Variants in PCDH7 observed in about 807,000 individuals in gnomAD.
PCDH7 encodes the protein protocadherin 7, also known as protocadherin-7.
Under a neutral mutation model 58.9 loss-of-function variants are expected in PCDH7, and 17 were observed. The observed-to-expected ratio is 0.29, with a 90% confidence interval of 0.20 to 0.43. The LOEUF is 0.43. Ranked by LOEUF, PCDH7 falls within the 20% of genes least tolerant of loss-of-function variation. PCDH7 has a pLI of 1.00. For missense variants in PCDH7, 1,274 were observed against 1,441.0 expected (o/e 0.88, Z 1.88); for synonymous variants, 664 against 616.4 (o/e 1.08, Z -1.14).
At position 30,936,235 on chromosome 4, in the gene PCDH7, G is replaced by A. The variant is rs564789941; in HGVS notation, c.288-13885G>A. On this transcript the variant is annotated intron_variant, in intron 2 of 3. Coordinates refer to the PCDH7 transcript ENST00000509759. ...CATTTGCTTTACAGTATCACTCAAAGCAAGGTAATATCGACATTTTACAGA... is the reference window on the plus strand; with the variant it reads ...CATTTGCTTTACAGTATCACTCAAAACAAGGTAATATCGACATTTTACAGA... Among the ~76,000 whole-genome samples, 3 of 152,110 alleles carry A rather than the reference G, an allele frequency of 2.0e-5. No individual in the cohort carries two copies. The East Asian group carries it at 5.8e-4, about 29-fold the overall frequency.
chr4:30,877,660 C>CT (rs1474756927), intron 1 of PCDH7, among the ~76,000 whole-genome samples: 5 of 152,226 alleles, frequency 3.3e-5, no homozygotes, highest in African/African-American at 1.2e-4. Context: ...GTATCCTATT[C>CT]TTTTTTCCAT....
chr4:30,942,224 CT>C (rs2109437451), intron 2 of PCDH7, among the ~76,000 whole-genome samples: 1 of 151,962 alleles, frequency 6.6e-6, no homozygotes, highest in Admixed American at 6.6e-5. Context: ...ATTACACATG[CT>C]TTAATATTTT....
chr4:31,081,927 C>T (rs1260974280), intron 3 of PCDH7, among the ~76,000 whole-genome samples: 1 of 152,076 alleles, frequency 6.6e-6, no homozygotes, highest in East Asian at 1.9e-4. Flanking sequence ...CCCACGCCAC[C>T]AAGGCCAGCT....
At chr4:30,924,608 G>A (rs966374308) in intron 2 of PCDH7, among the ~76,000 whole-genome samples, 4 of 152,076 alleles carry the variant, frequency 2.6e-5, no homozygotes, top group African/African-American at 7.2e-5. Context: ...TGGCCAGGTG[G>A]GTGGAAATGT....
chr4:30,761,221 G>T (rs1719977106), intron 1 of PCDH7, among the ~76,000 whole-genome samples: 1 of 152,188 alleles, frequency 6.6e-6, no homozygotes, highest in Admixed American at 6.5e-5. Context: ...ACCTGCAAAA[G>T]ATTCACTAAC....
At chr4:31,048,491 C>T (rs1284285690) in intron 3 of PCDH7, among the ~76,000 whole-genome samples, 1 of 152,052 alleles carries the variant, frequency 6.6e-6, no homozygotes, top group Non-Finnish European at 1.5e-5. Context: ...CTTTCCATGT[C>T]AGTAGAATTC....
At chr4:30,946,068 C>A (rs1294705001) in intron 2 of PCDH7, among the ~76,000 whole-genome samples, 1 of 152,124 alleles carries the variant, frequency 6.6e-6, no homozygotes, top group East Asian at 1.9e-4. Flanking sequence ...CTGAGTATAA[C>A]CATGACAGAC....
chr4:31,074,401 G>A lies in PCDH7; in HGVS notation c.*8-68072G>A, dbSNP rs559187062. On this transcript the variant is annotated intron_variant, in intron 3 of 3. Coordinates refer to the PCDH7 transcript ENST00000509759. ...CATGGCTTTCAAAAACGATGTTAAT[G>A]ACAGCGAGTACAAACTATATTTGGG... Among the ~76,000 whole-genome samples, 27 of 151,972 alleles carry A rather than the reference G, an allele frequency of 1.8e-4. 2 individuals are homozygous for A. The highest frequency in any genetic ancestry group is 6.3e-4 in the African/African-American group (26 of 41,460).
intron 1 of PCDH7, among the ~76,000 whole-genome samples, chr4:30,837,097 T>C (rs1204099236): frequency 6.6e-6 from 1 of 152,072 alleles, no homozygotes; most frequent in Non-Finnish European, 1.5e-5. Flanking sequence ...CTGCATCTTG[T>C]GTCTTTTTAA....
chr4:31,142,861 G>C, exon 4 of PCDH7: 1 of 1,351,852 alleles, frequency 7.4e-7, no homozygotes, highest in Non-Finnish European at 9.8e-7. Flanking sequence ...CTATAAAGGA[G>C]CAACAGCAAA....
chr4:30,770,303 C>A (rs139467736), intron 1 of PCDH7, among the ~76,000 whole-genome samples: 111 of 152,276 alleles, frequency 7.3e-4, no homozygotes, highest in Admixed American at 2.2e-3. Context: ...ATCAGGTTTT[C>A]TTTTCCTTCA....
chr4:30,930,811 T>C (rs1349129344), intron 2 of PCDH7, among the ~76,000 whole-genome samples: 1 of 151,782 alleles, frequency 6.6e-6, no homozygotes, highest in Non-Finnish European at 1.5e-5. Context: ...TGGTGGCACA[T>C]GCCTGTAGTC....
Position 30,721,327 on chromosome 4 carries a change from A to C in PCDH7, c.-96A>C. 1 of 1,179,682 alleles carries C rather than the reference A, an allele frequency of 8.5e-7. No homozygotes were observed. The highest frequency in any genetic ancestry group is 1.1e-6 in the Non-Finnish European group (1 of 874,232). The allele number at this position is 1,179,682 out of a possible 1,614,324, so 73.1% of individuals were successfully genotyped here. A position where few individuals can be genotyped will look rare whatever the true frequency, so the allele number is the denominator to read the frequency against. ...CGCTCCTTCCTTTCCGGGAGAGGGG[A>C]GAGGACTCGGGGGAGGGCAGGCGGC... On this transcript the variant is annotated 5_prime_UTR_variant, in exon 1 of 2. Transcript: ENST00000361762. The surrounding 1 kb of genome is among the most constrained non-coding windows in gnomAD (Gnocchi z 6.7).
intron 2 of PCDH7, 46 bp downstream of exon 2, chr4:30,920,415 C>T (rs184122715): frequency 1.6e-5 from 21 of 1,291,988 alleles, no homozygotes; most frequent in East Asian, 9.5e-5. Flanking sequence ...GCTAGTGAGC[C>T]GTAATAAGTA....
intron 1 of PCDH7, among the ~76,000 whole-genome samples, chr4:30,833,577 G>A (rs1478259713): frequency 1.3e-5 from 2 of 152,096 alleles, no homozygotes; most frequent in Non-Finnish European, 2.9e-5. Flanking sequence ...CCCACCCCCT[G>A]CCACCACATA....
At chr4:30,965,963 AT>A (rs1748960140) in intron 3 of PCDH7, among the ~76,000 whole-genome samples, 1 of 152,082 alleles carries the variant, frequency 6.6e-6, no homozygotes, top group African/African-American at 2.4e-5. Flanking sequence ...GTGAAAATGC[AT>A]TTTTCTTTTG....
At chr4:31,101,023 A>G (rs555623199) in intron 3 of PCDH7, among the ~76,000 whole-genome samples, 5 of 152,320 alleles carry the variant, frequency 3.3e-5, no homozygotes, top group Non-Finnish European at 7.3e-5. Context: ...AAACTTACAC[A>G]AAAGACTGCA....
intron 1 of PCDH7, among the ~76,000 whole-genome samples, chr4:30,768,700 T>A (rs1721041298): frequency 6.6e-6 from 1 of 152,206 alleles, no homozygotes; most frequent in South Asian, 2.1e-4. Flanking sequence ...ACATGTACAT[T>A]TTCTGTCTTA....
chr4:30,754,663 A>G (rs1404800982), intron 1 of PCDH7, among the ~76,000 whole-genome samples: 1 of 152,210 alleles, frequency 6.6e-6, no homozygotes, highest in African/African-American at 2.4e-5. Context: ...ATCATTTTCT[A>G]TATGACACAC....
Sources: gnomAD v4.1 joint callset for allele counts (sites outside exome capture counted in the v4.1 genomes callset) on GRCh38, gnomAD v4.1.1 for gene constraint, Gnocchi (gnomAD v3.1) non-coding constraint, MANE v1.5 for transcripts, NCBI Gene and HGNC (gene_info 2026-07-23, HGNC 2026-07-21) for gene names.